The following PSMD1 variants were observed in gnomAD, a reference collection of about 807,000 sequenced individuals.
The protein encoded by PSMD1 is 26S proteasome non-ATPase regulatory subunit 1.
PSMD1 carries 18 observed loss-of-function variants against 119.0 expected under a neutral mutation model. The observed-to-expected ratio is 0.15, with a 90% CI of 0.10 to 0.22. The LOEUF (loss-of-function observed/expected upper bound fraction) is 0.22, where lower values mean the gene tolerates loss of function less well. PSMD1 is among the 10% of genes least tolerant of loss of function. The pLI is 1.00. For synonymous variants in PSMD1, 374 were observed against 396.6 expected (o/e 0.94, Z 0.68); for missense variants, 702 against 1,158.5 (o/e 0.61, Z 5.72).
At chr2:231,140,604 G>T (rs1696084883) in intron 17 of PSMD1, among the ~76,000 whole-genome samples, 2 of 151,292 alleles carry the variant, frequency 1.3e-5, no homozygotes. Context: ...TTGGCCAGGT[G>T]CAGTGGCTCA....
chr2:231,116,026 G>T (rs1396669457), intron 16 of PSMD1, among the ~76,000 whole-genome samples: 1 of 152,100 alleles, frequency 6.6e-6, no homozygotes, highest in Non-Finnish European at 1.5e-5. Context: ...TAGGCACTTG[G>T]AATGTCTCAT....
chr2:231,128,923 A>G (rs973818221), intron 16 of PSMD1, among the ~76,000 whole-genome samples: 1 of 152,214 alleles, frequency 6.6e-6, no homozygotes, highest in African/African-American at 2.4e-5. Flanking sequence ...AGAACAAAAG[A>G]ATAAGATTTT....
chr2:231,082,595 C>A, intron 12 of PSMD1, among the ~76,000 whole-genome samples: 1 of 152,176 alleles, frequency 6.6e-6, no homozygotes, highest in East Asian at 1.9e-4. Context: ...ATCCCAGCTA[C>A]TTGAGAGGCT....
chr2:231,137,069 A>G (rs1695987898), intron 16 of PSMD1, among the ~76,000 whole-genome samples: 1 of 145,014 alleles, frequency 6.9e-6, no homozygotes, highest in Non-Finnish European at 1.5e-5. Flanking sequence ...ATATATTTTT[A>G]TGTATAATAT....
intron 21 of PSMD1, 76 bp from the exon 22 acceptor site, chr2:231,165,124 G>C: frequency 2.2e-6 from 2 of 904,212 alleles, no homozygotes; most frequent in Non-Finnish European, 1.5e-6. Context: ...TAGTGTTGTA[G>C]GACTGAGTTC....
chr2:231,068,296 A>G (rs1282704203), intron 5 of PSMD1, among the ~76,000 whole-genome samples: 3 of 152,218 alleles, frequency 2.0e-5, no homozygotes. Flanking sequence ...GAATGAATGA[A>G]TGGCCTAATG....
chr2:231,110,263 TGAGCC>T (rs1035236820), intron 16 of PSMD1, among the ~76,000 whole-genome samples: 1 of 151,290 alleles, frequency 6.6e-6, no homozygotes, highest in Non-Finnish European at 1.5e-5. Flanking sequence ...GAGGTTGCAG[TGAGCC>T]GAGATCACAC....
At position 231,163,730 on chromosome 2, in the gene PSMD1, A is replaced by G; in HGVS notation, c.2481+3A>G. On this transcript the variant is annotated splice_donor_region_variant and intron_variant, in intron 21 of 24. Transcript: ENST00000308696. ...CAAAAGAAAAAGAAAAGGAAAAGGT[A>G]GGTTCTTTGTTCCTTTTAGCAGCAT... 2 of 1,592,186 alleles carry G rather than the reference A, an allele frequency of 1.3e-6. No homozygotes were observed. Among genetic ancestry groups the G allele is most frequent in the Non-Finnish European group, 8.6e-7 (1 of 1,161,054 alleles).
chr2:231,153,555 C>G lies in PSMD1; in HGVS notation c.2116-9C>G. On this transcript the variant is annotated splice_polypyrimidine_tract_variant and intron_variant, in intron 18 of 24. Coordinates refer to ENST00000308696, the MANE Select transcript of PSMD1 (RefSeq NM_002807.4). ...ACTTAGACTATAATTCTTTCTCTTG[C>G]TCCTTCAGGTGAATCAGTTCAGACA... is the stretch of plus-strand genomic sequence containing the variant. The G allele has an allele frequency of 2.5e-6, 4 of 1,579,916 alleles. No homozygotes were observed. The highest frequency in any genetic ancestry group is 3.5e-6 in the Non-Finnish European group (4 of 1,151,220).
intron 16 of PSMD1, among the ~76,000 whole-genome samples, chr2:231,119,593 A>G (rs1183568135): frequency 6.6e-6 from 1 of 152,102 alleles, no homozygotes; most frequent in Non-Finnish European, 1.5e-5. Context: ...AGTTATAGCC[A>G]GGTTTGGTGG....
chr2:231,150,635 TATC>T (rs1228294482), intron 18 of PSMD1, among the ~76,000 whole-genome samples: 1 of 152,162 alleles, frequency 6.6e-6, no homozygotes, highest in African/African-American at 2.4e-5. Flanking sequence ...GATTATGGGA[TATC>T]ATAATATATA....
In PSMD1 at chr2:231,074,798, A is replaced by G. The variant is rs192254719; in HGVS notation, c.882-713A>G. 7.2e-3 allele frequency among the ~76,000 whole-genome samples: 1,096 copies of G among 152,162 alleles called. 15 individuals carry two copies. Among genetic ancestry groups the G allele is most frequent in the Middle Eastern group, 0.031 (9 of 294 alleles). ...CCTCCAGTATTTCCTCTTCTGTTGC[A>G]TTTATGTAGTACTATACAAAATAAT... On this transcript the variant is annotated intron_variant, in intron 7 of 24. Coordinates refer to ENST00000308696, the MANE Select transcript of PSMD1 (RefSeq NM_002807.4).
chr2:231,065,023 T>C (rs924555610), intron 4 of PSMD1, among the ~76,000 whole-genome samples: 4 of 150,982 alleles, frequency 2.6e-5, no homozygotes, highest in Non-Finnish European at 4.4e-5. Flanking sequence ...GAATGTAGTA[T>C]ATTCCAATTT....
At chr2:231,084,952 C>G in intron 14 of PSMD1, 67 bp from the exon 15 acceptor site, 3 of 1,260,524 alleles carry the variant, frequency 2.4e-6, no homozygotes, top group Middle Eastern at 2.4e-4. Context: ...TGCCACTATG[C>G]CTATTAGACT....
At chr2:231,125,450 C>A (rs2125236337) in intron 16 of PSMD1, among the ~76,000 whole-genome samples, 1 of 152,296 alleles carries the variant, frequency 6.6e-6, no homozygotes, top group East Asian at 1.9e-4. Flanking sequence ...GTTCTGATTT[C>A]TAGCAGTGAA....
chr2:231,057,125 G>A (rs1693614289), intron 1 of PSMD1, 84 bp downstream of exon 1: 3 of 1,403,406 alleles, frequency 2.1e-6, no homozygotes, highest in African/African-American at 3.1e-5. Context: ...GTGACTGGGC[G>A]CCTCCCGGCG....
intron 15 of PSMD1, among the ~76,000 whole-genome samples, chr2:231,085,381 G>A (rs545493716): frequency 2.6e-5 from 4 of 152,330 alleles, no homozygotes; most frequent in Middle Eastern, 3.4e-3. Context: ...ACTGCAAGGA[G>A]CACCCTCATT....
chr2:231,068,213 G>T (rs1196647925), intron 5 of PSMD1, among the ~76,000 whole-genome samples: 1 of 152,104 alleles, frequency 6.6e-6, no homozygotes, highest in Admixed American at 6.6e-5. Context: ...AGGTATTTGT[G>T]CCTTTTTCAC....
In PSMD1 at chr2:231,172,803, C is replaced by T. The variant is rs2125276886; in HGVS notation, c.*278C>T. 1 of 152,202 alleles carries T rather than the reference C, an allele frequency of 6.6e-6. No homozygotes were observed. Among genetic ancestry groups the T allele is most frequent in the East Asian group, 1.9e-4 (1 of 5,192 alleles). 9.4% of individuals were successfully genotyped at this position (152,202 alleles called of 1,614,324 possible). ...GGGTTTTTAATAAATGTATCTAATC[C>T]TCCCCACACCATGAAATGCCTAAAT... On this transcript the variant is annotated 3_prime_UTR_variant, in exon 25 of 25. Coordinates refer to ENST00000308696, the MANE Select transcript of PSMD1 (RefSeq NM_002807.4).
Sources: gnomAD v4.1 joint callset for allele counts (sites outside exome capture counted in the v4.1 genomes callset) on GRCh38, gnomAD v4.1.1 for gene constraint, MANE v1.5 for transcripts, NCBI Gene and HGNC (gene_info 2026-07-23, HGNC 2026-07-21) for gene names.